Variants in ABR observed in about 807,000 individuals in gnomAD.
ABR encodes ABR activator of RhoGEF and GTPase.
In ABR, 35 loss-of-function variants were observed where a neutral mutation model predicts 107.2. The ratio of observed to expected loss-of-function variants is 0.33; its 90% confidence interval spans 0.25 to 0.43. The LOEUF (loss-of-function observed/expected upper bound fraction) is 0.43, where lower values mean the gene tolerates loss of function less well. ABR is among the 20% of genes least tolerant of loss of function. ABR has a pLI of 1.00. For missense variants in ABR, 815 were observed against 1,115.2 expected, an observed-to-expected ratio of 0.73 and a Z score of 3.83; for synonymous variants, 498 against 462.0, an observed-to-expected ratio of 1.08 and a Z score of -1.00.
chr17:1,216,221 T>C (rs1197544753), intron 1 of ABR, among the ~76,000 whole-genome samples: 2 of 151,978 alleles, frequency 1.3e-5, no homozygotes, highest in African/African-American at 4.8e-5. Flanking sequence ...TAGAACTTAC[T>C]ATGTGCCAGG....
At chr17:1,099,966 A>G (rs1225385219) in intron 3 of ABR, among the ~76,000 whole-genome samples, 1 of 152,064 alleles carries the variant, frequency 6.6e-6, no homozygotes, top group Non-Finnish European at 1.5e-5. Context: ...TGTCTCTACT[A>G]AATACAAAAA....
At chr17:1,118,220 T>C (rs1335852601) in intron 2 of ABR, among the ~76,000 whole-genome samples, 2,219 of 66,348 alleles carry the variant, frequency 0.033, 10 homozygotes, top group East Asian at 0.12. Context: ...GAGCCTGAGT[T>C]CTCCCCAGCG....
At chr17:1,101,943 C>T (rs562281992) in intron 2 of ABR, among the ~76,000 whole-genome samples, 4 of 152,168 alleles carry the variant, frequency 2.6e-5, no homozygotes, top group East Asian at 3.9e-4. Flanking sequence ...CCGTGTTAGC[C>T]AGGATGGTCT....
At chr17:1,046,274 G>A (rs1216783634) in intron 16 of ABR, among the ~76,000 whole-genome samples, 1 of 133,302 alleles carries the variant, frequency 7.5e-6, no homozygotes, top group Non-Finnish European at 1.8e-5. Flanking sequence ...AAAGTGCTGG[G>A]ATTACAGGCG....
rs1319940257 is a variant in ABR, at chr17:1,100,655, C to T, written c.327G>A (p.Gln109=). Residue 109 remains glutamine (Q), a synonymous_variant, in exon 3 of 23, where the codon CAG becomes CAA. Coordinates refer to ENST00000302538, the MANE Select transcript of ABR (RefSeq NM_021962.5). ...TACTCACCAGCAACAGGGCTTCCAG[C>T]TGGTTAATGTAGATCTCTTCGCTGG... The part of the protein sequence containing the change: ...FLASEEIYIN[Q]LEALLLPMKP... 2.5e-6 allele frequency: 4 copies of T among 1,614,094 alleles called. No individual in the cohort carries two copies. The Admixed American group carries it at 5.0e-5, about 20-fold the overall frequency.
chr17:1,191,374 T>C (rs1404057266), upstream of ABR, among the ~76,000 whole-genome samples: 4 of 143,068 alleles, frequency 2.8e-5, no homozygotes, highest in East Asian at 2.0e-4. Context: ...TTTTTTTTTT[T>C]TGAGACAGAG....
intron 16 of ABR, among the ~76,000 whole-genome samples, chr17:1,018,227 A>G (rs985120841): frequency 1.4e-4 from 21 of 151,852 alleles, no homozygotes; most frequent in African/African-American, 5.1e-4. Context: ...TATTTTTAGT[A>G]GAGACGGGGT....
chr17:1,125,150 C>T, intron 2 of ABR, 33 bp downstream of exon 2: 1 of 1,537,968 alleles, frequency 6.5e-7, no homozygotes, highest in Non-Finnish European at 8.8e-7. Flanking sequence ...GTCACCCCTC[C>T]CCAAACCCAG....
chr17:1,041,102 T>A (rs1327950205), intron 16 of ABR, among the ~76,000 whole-genome samples: 2 of 152,082 alleles, frequency 1.3e-5, no homozygotes, highest in Non-Finnish European at 2.9e-5. Flanking sequence ...CTATTTTTAG[T>A]AGAGACGGCG....
At chr17:1,193,005 G>T (rs372410773) in intron 1 of ABR, among the ~76,000 whole-genome samples, 44 of 152,296 alleles carry the variant, frequency 2.9e-4, no homozygotes, top group African/African-American at 1.0e-3. Context: ...CCGAGATTGC[G>T]CCATTGCACT....
At position 1,157,290 on chromosome 17, in the gene ABR, G is replaced by T. The variant is rs146891282; in HGVS notation, c.61+22377C>A. Among the ~76,000 whole-genome samples, 1 of 143,404 alleles carries T rather than the reference G, an allele frequency of 7.0e-6. No individual in the cohort carries two copies. The highest frequency in any genetic ancestry group is 1.5e-5 in the Non-Finnish European group (1 of 66,760). 94.1% of individuals were successfully genotyped at this position (143,404 alleles called of 152,430 possible). ...TTTTGAGATGAAGTCTCACTCTGTC[G>T]CCCAGGCTGGAGTGCAAAGGTGCAA... On this transcript the variant is annotated intron_variant, in intron 1 of 22. Coordinates refer to ENST00000302538, the MANE Select transcript of ABR (RefSeq NM_021962.5). The surrounding 1 kb of genome is among the most constrained non-coding windows in gnomAD (Gnocchi z 4.7).
Position 1,148,109 on chromosome 17 carries a change from G to A in ABR, c.62-22742C>T, listed in dbSNP as rs951451951. Among the ~76,000 whole-genome samples the A allele has an allele frequency of 1.3e-5, 2 of 152,244 alleles. No individual in the cohort carries two copies. Among genetic ancestry groups the A allele is most frequent in the Non-Finnish European group, 2.9e-5 (2 of 68,048 alleles). Reference sequence around the variant, plus strand: ...CAAGGATGGCCTGCTTGCTGCTGATGAGTGAAGTAAGCCCAAAGGTTGTCG... The same window carrying A: ...CAAGGATGGCCTGCTTGCTGCTGATAAGTGAAGTAAGCCCAAAGGTTGTCG... On this transcript the variant is annotated intron_variant, in intron 1 of 22. Transcript: ENST00000302538. This position sits in a 1 kb window ranked among gnomAD's most constrained non-coding sequence, Gnocchi z 4.9.
intron 1 of ABR, among the ~76,000 whole-genome samples, chr17:1,167,612 G>A (rs1227605263): frequency 6.6e-6 from 1 of 152,184 alleles, no homozygotes; most frequent in Non-Finnish European, 1.5e-5. Flanking sequence ...AGGCTGAGGC[G>A]TCAAGACAGA....
intron 16 of ABR, among the ~76,000 whole-genome samples, chr17:1,049,808 G>A (rs1435243553): frequency 6.6e-6 from 1 of 152,188 alleles, no homozygotes; most frequent in Admixed American, 6.5e-5. Flanking sequence ...AACAAAGCTG[G>A]TTGTTTCCAT....
intron 10 of ABR, among the ~76,000 whole-genome samples, chr17:1,060,843 T>A (rs550871409): frequency 2.0e-3 from 297 of 151,480 alleles, no homozygotes; most frequent in Middle Eastern, 3.4e-3. Context: ...ATACAAAAAA[T>A]TAGCCAGGCG....
chr17:1,139,713 C>T (rs2040217645), intron 1 of ABR, among the ~76,000 whole-genome samples: 2 of 152,166 alleles, frequency 1.3e-5, no homozygotes. Flanking sequence ...GATTTCACGG[C>T]AGTCAGGTGG....
At chr17:1,039,259 G>A (rs1485576403) in intron 16 of ABR, among the ~76,000 whole-genome samples, 1 of 152,128 alleles carries the variant, frequency 6.6e-6, no homozygotes, top group Non-Finnish European at 1.5e-5. Flanking sequence ...GCACTTCCCA[G>A]GGGTGGAGGG....
intron 6 of ABR, among the ~76,000 whole-genome samples, chr17:1,077,119 G>C (rs1310867426): frequency 6.6e-6 from 1 of 152,192 alleles, no homozygotes; most frequent in Non-Finnish European, 1.5e-5. Flanking sequence ...GGCTACAAGT[G>C]GTGGGAGCTG....
At chr17:1,202,283 C>T (rs955405525) in intron 1 of ABR, among the ~76,000 whole-genome samples, 1 of 152,196 alleles carries the variant, frequency 6.6e-6, no homozygotes, top group East Asian at 1.9e-4. Flanking sequence ...CCCCTTCGGC[C>T]TCCCAAAGTG....
Sources: gnomAD v4.1 joint callset for allele counts (sites outside exome capture counted in the v4.1 genomes callset) on GRCh38, gnomAD v4.1.1 for gene constraint, Gnocchi (gnomAD v3.1) non-coding constraint, MANE v1.5 for transcripts, NCBI Gene and HGNC (gene_info 2026-07-23, HGNC 2026-07-21) for gene names.